TENT5A: variants seen among roughly 807,000 people sequenced by gnomAD.
The protein encoded by TENT5A is terminal nucleotidyltransferase 5A.
A neutral mutation model predicts 30.2 loss-of-function variants in TENT5A; 9 were observed. The observed-to-expected ratio is 0.30, with a 90% CI of 0.18 to 0.52. The LOEUF (loss-of-function observed/expected upper bound fraction) is 0.52. Among genes scored for constraint, TENT5A ranks in the 20% least tolerant of loss-of-function variants. TENT5A has a pLI of 0.97. For missense variants in TENT5A, 411 were observed against 566.1 expected (o/e 0.73, Z 2.78); for synonymous variants, 264 against 234.2 (o/e 1.13, Z -1.16).
Position 81,747,375 on chromosome 6 carries a change from A to G in TENT5A, c.*2320T>C, listed in dbSNP as rs1334056185. On this transcript the variant is annotated 3_prime_UTR_variant, in exon 3 of 3. Transcript: ENST00000320172. The stretch of plus-strand genomic sequence containing the variant: ...CAAACCCAGGGCTTAAGTGAGGGAG[A>G]CTGAGCCAAGATGGTAGTAGGAGGA... The G allele has an allele frequency of 4.1e-6, 4 of 985,746 alleles. No individual in the cohort carries two copies. Among genetic ancestry groups the G allele is most frequent in the Non-Finnish European group, 4.8e-6 (4 of 829,948 alleles). 61.1% of individuals were successfully genotyped at this position (985,746 alleles called of 1,614,324 possible). A position where few individuals can be genotyped will look rare whatever the true frequency, so the allele number is the denominator to read the frequency against.
chr6:81,751,445 A>C, intron 2 of TENT5A, 145 bp downstream of exon 2: 1 of 750,724 alleles, frequency 1.3e-6, no homozygotes, highest in Non-Finnish European at 2.2e-6. Context: ...TACTGGTTTA[A>C]AAAATCAAAA....
rs1490466047 is a variant in TENT5A at position 81,748,614 on chromosome 6, T to C, written c.*1081A>G. On this transcript the variant is annotated 3_prime_UTR_variant, in exon 3 of 3. Transcript: ENST00000320172. The stretch of plus-strand genomic sequence containing the variant: ...TCTAGATCATAGTCAATCTACTGTG[T>C]ATATATACATATAAAATGTATATAT... 12 of 936,760 alleles carry C rather than the reference T, an allele frequency of 1.3e-5. No individual in the cohort carries two copies. Among genetic ancestry groups the C allele is most frequent in the Non-Finnish European group, 1.4e-5 (11 of 785,842 alleles). 58.0% of individuals were successfully genotyped at this position (936,760 alleles called of 1,614,324 possible).
In TENT5A at chr6:81,747,011, T is replaced by C. The variant is rs529635907; in HGVS notation, c.*2684A>G. On this transcript the variant is annotated 3_prime_UTR_variant, in exon 3 of 3. Transcript: ENST00000320172. Reference sequence around the variant, plus strand: ...TCCAACTAAGCTACCAACCCTGAAGTAAGCAAGAAAAGAATATAAATATTT... The same window carrying C: ...TCCAACTAAGCTACCAACCCTGAAGCAAGCAAGAAAAGAATATAAATATTT... 5 of 986,538 alleles carry C rather than the reference T, an allele frequency of 5.1e-6. No homozygotes were observed. The Admixed American group carries it at 2.4e-4, about 48-fold the overall frequency. 61.1% of individuals were successfully genotyped at this position (986,538 alleles called of 1,614,324 possible).
rs1315576010 is a variant in TENT5A, at chr6:81,748,622, CATATAAAATGTAT to C, written c.*1060_*1072del. Reference sequence around the variant, plus strand: ...ATAGTCAATCTACTGTGTATATATACATATAAAATGTATATATAAAATGTATATATACACACAC... The same window carrying C: ...ATAGTCAATCTACTGTGTATATATACATATAAAATGTATATATACACACAC... On this transcript the variant is annotated 3_prime_UTR_variant, in exon 3 of 3. Coordinates refer to ENST00000320172, the MANE Select transcript of TENT5A (RefSeq NM_017633.3). 2.7e-5 allele frequency: 25 copies of C among 925,108 alleles called. No homozygotes were observed. The highest frequency in any genetic ancestry group is 2.5e-4 in the South Asian group (5 of 20,090). The allele number at this position is 925,108 out of a possible 1,614,324, so 57.3% of individuals were successfully genotyped here.
In TENT5A at chr6:81,752,512, C is replaced by G. The variant is rs1376032891; in HGVS notation, c.-119G>C. ...GCAACACTTCCAGGAGCTGCGAGCGCGCTCAGACAGCAAATAGCGACTTCG... is the reference window on the plus strand; with the variant it reads ...GCAACACTTCCAGGAGCTGCGAGCGGGCTCAGACAGCAAATAGCGACTTCG... On this transcript the variant is annotated 5_prime_UTR_variant, in exon 1 of 3. Transcript: ENST00000320172. The G allele has an allele frequency of 2.8e-6, 4 of 1,431,730 alleles. No individual in the cohort carries two copies. The highest frequency in any genetic ancestry group is 2.0e-5 in the Admixed American group (1 of 50,760). The allele number at this position is 1,431,730 out of a possible 1,614,324, so 88.7% of individuals were successfully genotyped here. A position where few individuals can be genotyped will look rare whatever the true frequency, so the allele number is the denominator to read the frequency against.
chr6:81,747,013 A>G lies in TENT5A; in HGVS notation c.*2682T>C. 1.0e-6 allele frequency: 1 copy of G among 986,270 alleles called. No homozygotes were observed. Among genetic ancestry groups the G allele is most frequent in the East Asian group, 1.1e-4 (1 of 8,912 alleles). 61.1% of individuals were successfully genotyped at this position (986,270 alleles called of 1,614,324 possible). The stretch of plus-strand genomic sequence containing the variant: ...CAACTAAGCTACCAACCCTGAAGTA[A>G]GCAAGAAAAGAATATAAATATTTAA... On this transcript the variant is annotated 3_prime_UTR_variant, in exon 3 of 3. Transcript: ENST00000320172.
chr6:81,751,475 C>T, intron 2 of TENT5A, 115 bp downstream of exon 2: 1 of 984,988 alleles, frequency 1.0e-6, no homozygotes. Context: ...ATAACGCGCG[C>T]CCAAACTCGT....
rs985597233 is a variant in TENT5A at position 81,750,537 on chromosome 6, T to A, written c.553-66A>T. On this transcript the variant is annotated intron_variant, in intron 2 of 2. Coordinates refer to ENST00000320172, the MANE Select transcript of TENT5A (RefSeq NM_017633.3). This position sits in a 1 kb window ranked among gnomAD's most constrained non-coding sequence, Gnocchi z 4.2. ...AATAATAAATCAATAAATAAATACA[T>A]CCTCTTCACAGCTGAGAATTATTTT... The A allele has an allele frequency of 1.0e-6, 1 of 978,772 alleles. No homozygotes were observed. The highest frequency in any genetic ancestry group is 1.7e-5 in the African/African-American group (1 of 60,378). 60.6% of individuals were successfully genotyped at this position (978,772 alleles called of 1,614,324 possible). A position where few individuals can be genotyped will look rare whatever the true frequency, so the allele number is the denominator to read the frequency against.
intron 1 of TENT5A, 61 bp downstream of exon 1, chr6:81,752,345 GCGCACCGCGCCCCGCAGAGCAGCCC>G (rs1324326999): frequency 1.9e-5 from 28 of 1,512,766 alleles, no homozygotes; most frequent in Non-Finnish European, 2.3e-5. Flanking sequence ...GTCCCCAGCC[GCGCACCGCGCCCCGCAGAGCAGCCC>G]CGCACCAAAA....
At position 81,746,784 on chromosome 6, in the gene TENT5A, T is replaced by C; in HGVS notation, c.*2911A>G. ...TGTTCTTTTCTCTGACCTATACACA[T>C]GGCTCTCTCTCACCAGACATTCAAA... On this transcript the variant is annotated 3_prime_UTR_variant, in exon 3 of 3. Transcript: ENST00000320172. 1.7e-6 allele frequency: 2 copies of C among 1,209,762 alleles called. No individual in the cohort carries two copies. Among genetic ancestry groups the C allele is most frequent in the Non-Finnish European group, 2.1e-6 (2 of 974,270 alleles). 74.9% of individuals were successfully genotyped at this position (1,209,762 alleles called of 1,614,324 possible). A position where few individuals can be genotyped will look rare whatever the true frequency, so the allele number is the denominator to read the frequency against.
Position 81,751,942 on chromosome 6 carries a change from T to G in TENT5A, c.200A>C (p.Asn67Thr), listed in dbSNP as rs755142214. Residue 67 changes from asparagine to threonine, a missense_variant, in exon 2 of 3, where the codon AAC becomes ACC. Physicochemically the swap from Asn to Thr is moderately conservative, Grantham distance 65. Around this residue, in one of 5 missense-constraint regions of TENT5A, gnomAD observed 157 missense variants for 183.2 expected, o/e 0.86. Coordinates refer to ENST00000320172, the MANE Select transcript of TENT5A (RefSeq NM_017633.3). ...GTCCAGCCGCTGCACTTGCTCCCAG[T>G]TCAGCACATTGCAGTGCGCCGTAGG... ...ESPTAHCNVLNWEQVQRLDGI... is the reference protein window; with the variant it reads ...ESPTAHCNVLTWEQVQRLDGI... The G allele has an allele frequency of 1.2e-6, 2 of 1,609,778 alleles. No individual in the cohort carries two copies. Among genetic ancestry groups the G allele is most frequent in the Admixed American group, 1.7e-5 (1 of 59,834 alleles).
rs576895202 is a variant in TENT5A, at chr6:81,748,772, C to A, written c.*923G>T. 1 of 985,674 alleles carries A rather than the reference C, an allele frequency of 1.0e-6. No individual in the cohort carries two copies. The highest frequency in any genetic ancestry group is 1.7e-5 in the African/African-American group (1 of 57,334). The allele number at this position is 985,674 out of a possible 1,614,324, so 61.1% of individuals were successfully genotyped here. The stretch of plus-strand genomic sequence containing the variant: ...AATAGGGCATTTTCTCCACCATTCA[C>A]AAGCTTATGTTATTTTCTTCTTGAG... On this transcript the variant is annotated 3_prime_UTR_variant, in exon 3 of 3. Coordinates refer to ENST00000320172, the MANE Select transcript of TENT5A (RefSeq NM_017633.3).
Position 81,752,485 on chromosome 6 carries a change from C to G in TENT5A, c.-92G>C, listed in dbSNP as rs528077384. 303 of 1,532,058 alleles carry G rather than the reference C, an allele frequency of 2.0e-4. 2 individuals carry two copies. The African/African-American group carries it at 3.8e-3, about 19-fold the overall frequency. The allele number at this position is 1,532,058 out of a possible 1,614,324, so 94.9% of individuals were successfully genotyped here. A position where few individuals can be genotyped will look rare whatever the true frequency, so the allele number is the denominator to read the frequency against. The stretch of plus-strand genomic sequence containing the variant: ...AGCGAGCGAGAGCGAAACCGAGAGG[C>G]GGCAACACTTCCAGGAGCTGCGAGC... On this transcript the variant is annotated 5_prime_UTR_variant, in exon 1 of 3. Transcript: ENST00000320172.
rs1562142172 is a variant in TENT5A at position 81,749,723 on chromosome 6, G to T, written c.1301C>A (p.Thr434Asn). The change falls in exon 3 of 3, where the codon ACC (threonine) becomes AAC (asparagine). Residue 434 changes from threonine (T) to asparagine (N), a missense_variant. Physicochemically the swap from Thr to Asn is moderately conservative, Grantham distance 65. Coordinates refer to ENST00000320172, the MANE Select transcript of TENT5A (RefSeq NM_017633.3). ...ATTGCAGGGTAGCCAAGTGGAGTAG[G>T]TCTGTTGCTGGCACGTGAATACTGG... ...VQPVFTCQQQ[T>N]YSTWLPCN is the part of the protein sequence containing the mutation. 6.2e-7 allele frequency: 1 copy of T among 1,613,444 alleles called. No individual in the cohort carries two copies. The highest frequency in any genetic ancestry group is 1.7e-5 in the Admixed American group (1 of 59,956).
Position 81,747,582 on chromosome 6 carries a change from A to G in TENT5A, c.*2113T>C. On this transcript the variant is annotated 3_prime_UTR_variant, in exon 3 of 3. Transcript: ENST00000320172. ...CTAAGCATCTGAGGATCCCTAGATA[A>G]ACAAACAAACAAATTATACTGCCAA... is the stretch of plus-strand genomic sequence containing the variant. 1 of 985,346 alleles carries G rather than the reference A, an allele frequency of 1.0e-6. No homozygotes were observed. The highest frequency in any genetic ancestry group is 1.2e-6 in the Non-Finnish European group (1 of 829,616). The allele number at this position is 985,346 out of a possible 1,614,324, so 61.0% of individuals were successfully genotyped here. A position where few individuals can be genotyped will look rare whatever the true frequency, so the allele number is the denominator to read the frequency against.
In TENT5A at chr6:81,748,835, A is replaced by C. The variant is rs1056204577; in HGVS notation, c.*860T>G. On this transcript the variant is annotated 3_prime_UTR_variant, in exon 3 of 3. Transcript: ENST00000320172. ...AAAATAAAATAATCATTAAACCATA[A>C]AATAATTTTGCCACTTCAAATTTTC... 1.0e-6 allele frequency: 1 copy of C among 985,082 alleles called. No individual in the cohort carries two copies. Among genetic ancestry groups the C allele is most frequent in the African/African-American group, 1.7e-5 (1 of 57,194 alleles). 61.0% of individuals were successfully genotyped at this position (985,082 alleles called of 1,614,324 possible).
Position 81,752,130 on chromosome 6 carries a change from A to G in TENT5A, c.12T>C (p.Gly4=), listed in dbSNP as rs1467699048. ...CCTCAGACATGGCGAAGTACCCTTC[A>G]CCCTCCGCCATGTAGTGCCCGCCGA... MAE[G]EGYFAMSEDE... Residue 4 remains glycine (G), a synonymous_variant, in exon 2 of 3, where the codon GGT becomes GGC. Transcript: ENST00000320172. 1 of 1,544,028 alleles carries G rather than the reference A, an allele frequency of 6.5e-7. No homozygotes were observed. Among genetic ancestry groups the G allele is most frequent in the Non-Finnish European group, 8.7e-7 (1 of 1,143,030 alleles).
chr6:81,749,999 T>G lies in TENT5A; in HGVS notation c.1025A>C (p.Asn342Thr). 6.2e-7 allele frequency: 1 copy of G among 1,614,208 alleles called. No individual in the cohort carries two copies. The highest frequency in any genetic ancestry group is 8.5e-7 in the Non-Finnish European group (1 of 1,180,052). ...QQRKLESYLQ[N>T]HFVGLEDRKY... ...GCGGTCTTCCAATCCCACAAAGTGG[T>G]TCTGCAAATAGGACTCCAGTTTTCT... The change falls in exon 3 of 3, where the codon AAC (asparagine) becomes ACC (threonine). Residue 342 changes from asparagine to threonine, a missense_variant. Asn to Thr is a moderately conservative substitution (Grantham distance 65). Transcript: ENST00000320172.
chr6:81,749,338 T>G lies in TENT5A; in HGVS notation c.*357A>C. The G allele has an allele frequency of 6.8e-6, 7 of 1,024,738 alleles. No individual in the cohort carries two copies. The highest frequency in any genetic ancestry group is 8.2e-6 in the Non-Finnish European group (7 of 856,456). 63.5% of individuals were successfully genotyped at this position (1,024,738 alleles called of 1,614,324 possible). On this transcript the variant is annotated 3_prime_UTR_variant, in exon 3 of 3. Transcript: ENST00000320172. ...ATCTTAAAAGAAACTTTCCACTTTT[T>G]TTTTTCCTATGGCAAAGCTATGGGA...
Sources: gnomAD v4.1 joint callset for allele counts on GRCh38, gnomAD v4.1.1 for gene constraint, gnomAD v4.1.1 regional missense constraint, Gnocchi (gnomAD v3.1) non-coding constraint, MANE v1.5 for transcripts, NCBI Gene and HGNC (gene_info 2026-07-23, HGNC 2026-07-21) for gene names.